The following PRRT4 variants were observed in gnomAD, a reference collection of about 807,000 sequenced individuals.
PRRT4 encodes the protein proline-rich transmembrane protein 4.
In PRRT4, 59 loss-of-function variants were observed where a neutral mutation model predicts 55.6. The observed-to-expected ratio is 1.06, with a 90% confidence interval of 0.86 to 1.32. The LOEUF (loss-of-function observed/expected upper bound fraction) is 1.32, where lower values mean the gene tolerates loss of function less well. Among genes scored for constraint, PRRT4 ranks in the 40% most tolerant of loss-of-function variants. PRRT4 has a pLI of 0.00. For synonymous variants in PRRT4, 606 were observed against 601.8 expected (o/e 1.01, Z -0.10); for missense variants, 1,217 against 1,222.0 (o/e 1.00, Z 0.06).
chr7:128,351,807 C>T, exon 5 of PRRT4: 1 of 1,417,762 alleles, frequency 7.1e-7, no homozygotes, highest in Non-Finnish European at 9.1e-7. Context: ...CGCCGTAGCC[C>T]AGGGCGTGCA....
exon 2 of PRRT4, chr7:128,359,859 C>T (rs1797205906): frequency 6.7e-7 from 1 of 1,488,154 alleles, no homozygotes; most frequent in African/African-American, 1.4e-5. Context: ...AGCATAGAGG[C>T]CTCACTTTGA....
rs1260293260 is a variant in PRRT4, at chr7:128,351,407, T to C, written c.2149A>G (p.Thr717Ala). The C allele has an allele frequency of 1.9e-6, 3 of 1,539,048 alleles. No individual in the cohort carries two copies. The East Asian group carries it at 7.4e-5, about 38-fold the overall frequency. ...GGGGAGGGCGGGCGGAAGTCCACGGTGTAATCGCTGCAGGGAGAGGAAGCC... is the reference window on the plus strand; with the variant it reads ...GGGGAGGGCGGGCGGAAGTCCACGGCGTAATCGCTGCAGGGAGAGGAAGCC... The change falls in exon 5 of 5, where the codon ACC becomes GCC. Residue 717 changes from threonine to alanine, a missense_variant. Physicochemically the swap from Thr to Ala is moderately conservative, Grantham distance 58 (BLOSUM62 0). Coordinates refer to ENST00000535159, the Ensembl canonical transcript of PRRT4.
chr7:128,354,203 C>T (rs933087414), intron 4 of PRRT4, among the ~76,000 whole-genome samples: 1 of 152,224 alleles, frequency 6.6e-6, no homozygotes, highest in African/African-American at 2.4e-5. Flanking sequence ...AGCTGGACAA[C>T]ACAGGAAGAC....
exon 2 of PRRT4, chr7:128,360,015 C>T: frequency 1.5e-6 from 2 of 1,301,762 alleles, no homozygotes; most frequent in East Asian, 3.0e-5. Flanking sequence ...TTCGGGTGGC[C>T]TTGGTGGGCA....
exon 5 of PRRT4, chr7:128,351,250 G>C: frequency 6.5e-7 from 1 of 1,539,586 alleles, no homozygotes; most frequent in Non-Finnish European, 8.7e-7. Context: ...CCTGCCCCCG[G>C]TCCCCAGCGA....
At chr7:128,351,454 G>A in exon 5 of PRRT4, 1 of 1,522,226 alleles carries the variant, frequency 6.6e-7, no homozygotes, top group Non-Finnish European at 8.8e-7. Flanking sequence ...CGGGTTGGCC[G>A]CCGCGCCTTC....
Position 128,358,869 on chromosome 7 carries a change from A to G in PRRT4, c.758-69T>C, listed in dbSNP as rs1271915107. Reference sequence around the variant, plus strand: ...AGCCTTGCCTCTGGGAGTTTGGAGAAAATTATGTCCTTCCCCAGAGTTTGT... The same window carrying G: ...AGCCTTGCCTCTGGGAGTTTGGAGAGAATTATGTCCTTCCCCAGAGTTTGT... On this transcript the variant is annotated intron_variant, in intron 3 of 4. Transcript: ENST00000535159. The surrounding 1 kb of genome is among the most constrained non-coding windows in gnomAD (Gnocchi z 4.4). The G allele has an allele frequency of 7.5e-6, 11 of 1,472,026 alleles. No individual in the cohort carries two copies. In the East Asian group the frequency reaches 2.7e-4, roughly 36 times the overall value. The allele number at this position is 1,472,026 out of a possible 1,614,324, so 91.2% of individuals were successfully genotyped here.
chr7:128,351,878 T>TGCGCGCCGC, exon 5 of PRRT4: 5 of 1,328,490 alleles, frequency 3.8e-6, no homozygotes, highest in Non-Finnish European at 4.8e-6. Flanking sequence ...ACCGGGGCCG[T>TGCGCGCCGC]GCGCGCCGCG....
chr7:128,351,471 C>G, exon 5 of PRRT4: 13 of 1,520,142 alleles, frequency 8.6e-6, no homozygotes, highest in Non-Finnish European at 1.1e-5. Context: ...CTTCGAAGCC[C>G]CGGCAACCTC....
chr7:128,356,824 C>T (rs576573039), intron 4 of PRRT4, among the ~76,000 whole-genome samples: 1 of 152,356 alleles, frequency 6.6e-6, no homozygotes, highest in East Asian at 1.9e-4. Context: ...CATTCAGTGG[C>T]CTGGCCCCAT....
At chr7:128,353,634 G>C (rs1797048808) in intron 4 of PRRT4, among the ~76,000 whole-genome samples, 1 of 152,142 alleles carries the variant, frequency 6.6e-6, no homozygotes, top group Non-Finnish European at 1.5e-5. Flanking sequence ...TGGTCTAACT[G>C]TCTTAATATA....
chr7:128,352,666 G>A lies in PRRT4; in HGVS notation c.890C>T (p.Pro297Leu), dbSNP rs1333945662. ...AGAGAGGTCATCTGGGCCAGAGATGGGGACTGTGGGGTCTGTGGGCAAAGA... is the reference window on the plus strand; with the variant it reads ...AGAGAGGTCATCTGGGCCAGAGATGAGGACTGTGGGGTCTGTGGGCAAAGA... The change falls in exon 5 of 5, where the codon CCC becomes CTC. Residue 297 changes from proline to leucine, a missense_variant. By Grantham distance (98) the Pro-to-Leu change is moderately conservative (BLOSUM62 -3). Coordinates refer to ENST00000535159, the Ensembl canonical transcript of PRRT4. The A allele has an allele frequency of 3.3e-5, 51 of 1,526,924 alleles. No homozygotes were observed. Among genetic ancestry groups the A allele is most frequent in the Non-Finnish European group, 4.1e-5 (47 of 1,139,890 alleles). 94.6% of individuals were successfully genotyped at this position (1,526,924 alleles called of 1,614,324 possible). A position where few individuals can be genotyped will look rare whatever the true frequency, so the allele number is the denominator to read the frequency against.
At chr7:128,361,604 G>C (rs1236919099) in exon 1 of PRRT4, 2 of 152,282 alleles carry the variant, frequency 1.3e-5, no homozygotes, top group East Asian at 1.9e-4. Context: ...CGCACTCCGC[G>C]CTCCCTCCCA....
Position 128,358,582 on chromosome 7 carries a change from T to C in PRRT4, c.877+99A>G, listed in dbSNP as rs766756120. The C allele has an allele frequency of 1.6e-4, 163 of 1,003,690 alleles. No individual in the cohort carries two copies. Among genetic ancestry groups the C allele is most frequent in the Non-Finnish European group, 2.0e-4 (130 of 664,916 alleles). 62.2% of individuals were successfully genotyped at this position (1,003,690 alleles called of 1,614,324 possible). A position where few individuals can be genotyped will look rare whatever the true frequency, so the allele number is the denominator to read the frequency against. On this transcript the variant is annotated intron_variant, in intron 4 of 4. Transcript: ENST00000535159. The surrounding 1 kb of genome is among the most constrained non-coding windows in gnomAD (Gnocchi z 4.4). ...AAGAGAATGATGATTATGATTATGA[T>C]GACAATGAAATAAAAGGGTCCCAGA...
chr7:128,350,805 G>C, downstream of PRRT4: 1 of 1,537,546 alleles, frequency 6.5e-7, no homozygotes, highest in Non-Finnish European at 8.8e-7. Flanking sequence ...GTCTCGGGCA[G>C]GGCAGGCGCC....
chr7:128,350,824 G>T (rs1444216759), downstream of PRRT4: 4 of 1,546,548 alleles, frequency 2.6e-6, no homozygotes, highest in African/African-American at 4.1e-5. Context: ...CCAGAAAGGG[G>T]CATATCGCAG....
exon 5 of PRRT4, chr7:128,351,734 C>T (rs1277726814): frequency 7.5e-6 from 11 of 1,467,738 alleles, no homozygotes; most frequent in Non-Finnish European, 9.8e-6. Context: ...ACGCCCACCT[C>T]GCCCAGGCGC....
At position 128,351,565 on chromosome 7, in the gene PRRT4, C is replaced by A; in HGVS notation, c.1991G>T (p.Gly664Val). Residue 664 changes from glycine to valine, a missense_variant, in exon 5 of 5, where the codon GGG becomes GTG. Around this residue, in one of 3 missense-constraint regions of PRRT4, gnomAD observed 642 missense variants for 600.9 expected, o/e 1.07. Coordinates refer to ENST00000535159, the Ensembl canonical transcript of PRRT4. ...CGCGTCCCCGCGAGCGATGGCGCTCCCCAGGGGCTCCTTGTCTGGGGGCCC... is the reference window on the plus strand; with the variant it reads ...CGCGTCCCCGCGAGCGATGGCGCTCACCAGGGGCTCCTTGTCTGGGGGCCC... The A allele has an allele frequency of 2.0e-6, 3 of 1,498,890 alleles. No homozygotes were observed. The Middle Eastern group carries it at 6.1e-4, about 305-fold the overall frequency. 92.8% of individuals were successfully genotyped at this position (1,498,890 alleles called of 1,614,324 possible).
exon 5 of PRRT4, chr7:128,351,492 T>G: frequency 6.6e-7 from 1 of 1,516,260 alleles, no homozygotes; most frequent in Non-Finnish European, 8.8e-7. Flanking sequence ...CGCCCTGGAG[T>G]AGGAGGTCTG....
Sources: gnomAD v4.1 joint callset for allele counts (sites outside exome capture counted in the v4.1 genomes callset) on GRCh38, gnomAD v4.1.1 for gene constraint, gnomAD v4.1.1 regional missense constraint, Gnocchi (gnomAD v3.1) non-coding constraint, MANE v1.5 for transcripts, NCBI Gene and HGNC (gene_info 2026-07-23, HGNC 2026-07-21) for gene names.